ADAM18: variants seen among roughly 807,000 people sequenced by gnomAD.
ADAM18 encodes ADAM metallopeptidase domain 18.
ADAM18 carries 117 observed loss-of-function variants against 94.4 expected under a neutral mutation model. The observed-to-expected ratio is 1.24, with a 90% CI of 1.07 to 1.45. The LOEUF (loss-of-function observed/expected upper bound fraction) is 1.45. Ranked by LOEUF, ADAM18 falls within the 40% of genes most tolerant of loss-of-function variation. The probability of loss-of-function intolerance (pLI) is 0.00; values close to 1 mark genes in which losing one functional copy is unlikely to be tolerated. For missense variants in ADAM18, 936 were observed against 880.0 expected, an observed-to-expected ratio of 1.06 and a Z score of -0.81; for synonymous variants, 327 against 291.6, an observed-to-expected ratio of 1.12 and a Z score of -1.24.
intron 2 of ADAM18, among the ~76,000 whole-genome samples, chr8:39,601,478 T>C (rs1173934228): frequency 6.6e-6 from 1 of 152,252 alleles, no homozygotes; most frequent in South Asian, 2.1e-4. Context: ...TTTCTGCTTA[T>C]TCCTAATATT....
chr8:39,658,486 G>A (rs528716076), intron 12 of ADAM18, among the ~76,000 whole-genome samples: 73 of 152,240 alleles, frequency 4.8e-4, no homozygotes, highest in Non-Finnish European at 8.1e-4. Context: ...AACATGAGCC[G>A]AGGAATTTGA....
chr8:39,653,777 G>C (rs1241428435), intron 12 of ADAM18, among the ~76,000 whole-genome samples: 1 of 152,196 alleles, frequency 6.6e-6, no homozygotes, highest in Non-Finnish European at 1.5e-5. Flanking sequence ...TGTATACAAT[G>C]TGAAATGTTC....
intron 14 of ADAM18, among the ~76,000 whole-genome samples, chr8:39,670,811 C>G (rs1361763520): frequency 6.6e-6 from 1 of 152,248 alleles, no homozygotes; most frequent in East Asian, 1.9e-4. Context: ...ATCAGCTCTT[C>G]CAGAATTTGC....
At chr8:39,701,566 A>T (rs1822080769) in intron 17 of ADAM18, among the ~76,000 whole-genome samples, 1 of 151,964 alleles carries the variant, frequency 6.6e-6, no homozygotes, top group South Asian at 2.1e-4. Context: ...GGAATTTGTG[A>T]TACTGCTTAT....
chr8:39,680,140 G>T lies in ADAM18; in HGVS notation c.1735G>T (p.Val579Leu), dbSNP rs778699407. 2 of 1,613,806 alleles carry T rather than the reference G, an allele frequency of 1.2e-6. No homozygotes were observed. Among genetic ancestry groups the T allele is most frequent in the Admixed American group, 1.7e-5 (1 of 59,944 alleles). The change falls in exon 16 of 20, where the codon GTA (valine) becomes TTA (leucine). Residue 579 changes from valine to leucine, a missense_variant. Transcript: ENST00000265707. ...TTCATATATTCAAGACCATGTATGTGTATCTATAGCCACTGGTTCCTCCAT... is the reference window on the plus strand; with the variant it reads ...TTCATATATTCAAGACCATGTATGTTTATCTATAGCCACTGGTTCCTCCAT... The part of the protein sequence containing the change: ...VYSYIQDHVC[V>L]SIATGSSMRS...
Position 39,692,826 on chromosome 8 carries a change from T to C in ADAM18, c.1902+146T>C. 5.6e-6 allele frequency: 3 copies of C among 531,996 alleles called. No homozygotes were observed. The East Asian group carries it at 9.4e-5, about 17-fold the overall frequency. The allele number at this position is 531,996 out of a possible 1,614,324, so 33.0% of individuals were successfully genotyped here. On this transcript the variant is annotated intron_variant, in intron 17 of 19. Transcript: ENST00000265707. ...AATTAACTGACCTAATTTCAAACTA[T>C]ATAACATATTAAGTGAATTGTACCA...
At chr8:39,695,394 A>G (rs1444447636) in intron 17 of ADAM18, among the ~76,000 whole-genome samples, 1 of 151,534 alleles carries the variant, frequency 6.6e-6, no homozygotes, top group Non-Finnish European at 1.5e-5. Context: ...CATACTCACC[A>G]GCATTTGGTG....
At chr8:39,641,558 G>A (rs67264212) in intron 10 of ADAM18, among the ~76,000 whole-genome samples, 414 of 151,830 alleles carry the variant, frequency 2.7e-3, no homozygotes, top group Non-Finnish European at 4.8e-3. Flanking sequence ...TGTTCTAGGC[G>A]TCCATATGTT....
intron 18 of ADAM18, among the ~76,000 whole-genome samples, chr8:39,723,476 TGTAAA>T (rs1049202595): frequency 2.0e-5 from 3 of 151,622 alleles, no homozygotes; most frequent in African/African-American, 7.2e-5. Flanking sequence ...TGTATTAACT[TGTAAA>T]GTATTGATGT....
intron 7 of ADAM18, among the ~76,000 whole-genome samples, chr8:39,635,952 A>C (rs919173633): frequency 7.9e-5 from 12 of 151,370 alleles, no homozygotes; most frequent in Non-Finnish European, 1.5e-4. Context: ...TTTTGTACAA[A>C]TGCCTTTACT....
chr8:39,591,070 T>C (rs1390205595), intron 2 of ADAM18, among the ~76,000 whole-genome samples: 1 of 152,196 alleles, frequency 6.6e-6, no homozygotes, highest in Non-Finnish European at 1.5e-5. Context: ...AAAATAACAT[T>C]GTATAAACCT....
intron 7 of ADAM18, among the ~76,000 whole-genome samples, chr8:39,633,034 C>A (rs1202083387): frequency 6.6e-6 from 1 of 152,136 alleles, no homozygotes; most frequent in Non-Finnish European, 1.5e-5. Context: ...AAAGAGACTT[C>A]ATGCAGCATT....
At chr8:39,720,408 C>T (rs1286957614) in intron 18 of ADAM18, among the ~76,000 whole-genome samples, 1 of 151,218 alleles carries the variant, frequency 6.6e-6, no homozygotes, top group Non-Finnish European at 1.5e-5. Context: ...ACACAAATAA[C>T]AAAACCTATC....
chr8:39,709,705 G>T (rs1230145980), intron 18 of ADAM18, among the ~76,000 whole-genome samples: 1 of 152,192 alleles, frequency 6.6e-6, no homozygotes, highest in Non-Finnish European at 1.5e-5. Flanking sequence ...CAGCAATGTG[G>T]TAAATAGGTT....
intron 12 of ADAM18, among the ~76,000 whole-genome samples, chr8:39,659,635 C>T (rs1453613016): frequency 6.6e-6 from 1 of 151,954 alleles, no homozygotes; most frequent in Non-Finnish European, 1.5e-5. Context: ...GGACCATGCA[C>T]GTATCCATAG....
At chr8:39,675,983 C>G (rs189172900) in intron 14 of ADAM18, among the ~76,000 whole-genome samples, 4 of 152,192 alleles carry the variant, frequency 2.6e-5, no homozygotes, top group Admixed American at 2.6e-4. Context: ...TATTGCAGAA[C>G]AGCAAATATT....
Position 39,638,458 on chromosome 8 carries a change from A to C in ADAM18, c.828-7A>C, listed in dbSNP as rs1286783510. ...AACTACGTTAATAAAAAATTATAAT[A>C]ATGTAGTTACAGGAAACATCCTAAA... On this transcript the variant is annotated splice_region_variant and splice_polypyrimidine_tract_variant and intron_variant, in intron 9 of 19. Transcript: ENST00000265707. 16 of 1,531,822 alleles carry C rather than the reference A, an allele frequency of 1.0e-5. No individual in the cohort carries two copies. Among genetic ancestry groups the C allele is most frequent in the Non-Finnish European group, 1.3e-5 (15 of 1,128,982 alleles). 94.9% of individuals were successfully genotyped at this position (1,531,822 alleles called of 1,614,324 possible).
intron 2 of ADAM18, among the ~76,000 whole-genome samples, chr8:39,602,465 C>A (rs558527549): frequency 6.6e-6 from 1 of 152,072 alleles, no homozygotes; most frequent in Non-Finnish European, 1.5e-5. Context: ...ACAGTTCCAC[C>A]CTTACTGGAA....
intron 16 of ADAM18, among the ~76,000 whole-genome samples, chr8:39,690,155 G>T (rs1821731416): frequency 6.6e-6 from 1 of 152,218 alleles, no homozygotes; most frequent in African/African-American, 2.4e-5. Flanking sequence ...GGCTGGAGTT[G>T]CCAAAGTGCT....
Sources: allele counts gnomAD v4.1 joint callset (sites outside exome capture counted in the v4.1 genomes callset), GRCh38; gene constraint gnomAD v4.1.1; transcripts MANE v1.5; gene names NCBI Gene and HGNC (gene_info 2026-07-23, HGNC 2026-07-21).